PHLPP1: variants seen among roughly 807,000 people sequenced by gnomAD.
The protein encoded by PHLPP1 is PH domain leucine-rich repeat-containing protein phosphatase 1.
Under a neutral mutation model 117.2 loss-of-function variants are expected in PHLPP1, and 42 were observed. That is an observed-to-expected ratio of 0.36 (90% CI 0.28 to 0.46). The LOEUF is 0.46. PHLPP1 is among the 20% of genes least tolerant of loss of function. PHLPP1 has a pLI of 1.00. For missense variants in PHLPP1, 2,084 were observed against 2,241.9 expected (o/e 0.93, Z 1.42); for synonymous variants, 1,042 against 970.7 (o/e 1.07, Z -1.37).
rs1914979134 is a variant in PHLPP1, at chr18:62,838,811, T to A, written c.1801T>A (p.Cys601Ser). The A allele has an allele frequency of 6.2e-7, 1 of 1,613,866 alleles. No homozygotes were observed. The highest frequency in any genetic ancestry group is 1.7e-5 in the Admixed American group (1 of 60,014). ...AGAAGAAGTGAAAAAGCACCAACAC[T>A]GTTTAGCATTTAGCTCCTCTGGACC... is the stretch of plus-strand genomic sequence containing the variant. ...KVEEVKKHQH[C>S]LAFSSSGPQS... Residue 601 changes from cysteine (C) to serine (S), a missense_variant, in exon 3 of 17, where the codon TGT becomes AGT. Transcript: ENST00000262719.
chr18:62,956,785 A>G (rs1356638314), intron 12 of PHLPP1, among the ~76,000 whole-genome samples: 1 of 152,116 alleles, frequency 6.6e-6, no homozygotes, highest in Non-Finnish European at 1.5e-5. Flanking sequence ...AATTTTTTTC[A>G]TTGCTACTAT....
At chr18:62,879,431 TGTCAGA>T (rs1489738380) in intron 4 of PHLPP1, among the ~76,000 whole-genome samples, 1 of 152,030 alleles carries the variant, frequency 6.6e-6, no homozygotes, top group Non-Finnish European at 1.5e-5. Context: ...TGTGTGTGTG[TGTCAGA>T]GTCTTACTCT....
chr18:62,825,753 C>T (rs1301685769), intron 1 of PHLPP1, among the ~76,000 whole-genome samples: 3 of 151,948 alleles, frequency 2.0e-5, no homozygotes, highest in Non-Finnish European at 4.4e-5. Flanking sequence ...TGCACCTGGC[C>T]CAGATACATT....
chr18:62,732,879 A>G (rs944550122), intron 1 of PHLPP1, among the ~76,000 whole-genome samples: 4 of 152,212 alleles, frequency 2.6e-5, no homozygotes, highest in Admixed American at 1.3e-4. Flanking sequence ...AAGAACTACA[A>G]TTAGAAGTGG....
In PHLPP1 at chr18:62,940,727, T is replaced by A. The variant is rs181734217; in HGVS notation, c.2961-991T>A. Reference sequence around the variant, plus strand: ...AGCAATATATTATCTTGTTTGTTTGTTTTAATGTAAAATTTATTTAAGTAC... The same window carrying A: ...AGCAATATATTATCTTGTTTGTTTGATTTAATGTAAAATTTATTTAAGTAC... On this transcript the variant is annotated intron_variant, in intron 10 of 16. Coordinates refer to ENST00000262719, the MANE Select transcript of PHLPP1 (RefSeq NM_194449.4). Among the ~76,000 whole-genome samples the A allele has an allele frequency of 4.6e-5, 7 of 152,296 alleles. No homozygotes were observed. In the East Asian group the frequency reaches 1.3e-3, roughly 29 times the overall value.
chr18:62,897,758 C>T (rs1458312444), intron 6 of PHLPP1, among the ~76,000 whole-genome samples: 2 of 152,122 alleles, frequency 1.3e-5, no homozygotes, highest in African/African-American at 2.4e-5. Context: ...CCACCTGCCT[C>T]GACCTCTCAA....
intron 3 of PHLPP1, among the ~76,000 whole-genome samples, chr18:62,850,915 G>A (rs771672323): frequency 3.3e-5 from 5 of 152,156 alleles, no homozygotes; most frequent in South Asian, 2.1e-4. Context: ...GGACTGTGTC[G>A]GCACTGATGC....
At chr18:62,841,741 A>AC (rs1351452075) in intron 3 of PHLPP1, among the ~76,000 whole-genome samples, 1 of 152,170 alleles carries the variant, frequency 6.6e-6, no homozygotes, top group Non-Finnish European at 1.5e-5. Context: ...ATTCACACAC[A>AC]TTTACATATA....
chr18:62,849,933 G>A (rs923903468), intron 3 of PHLPP1, among the ~76,000 whole-genome samples: 266 of 144,744 alleles, frequency 1.8e-3, no homozygotes, highest in African/African-American at 6.6e-3. Context: ...CGCCTACTCC[G>A]AAGGGTTAAA....
chr18:62,967,905 A>C (rs1910948993), intron 14 of PHLPP1, among the ~76,000 whole-genome samples: 1 of 151,368 alleles, frequency 6.6e-6, no homozygotes, highest in African/African-American at 2.4e-5. Context: ...GTTCACCGCA[A>C]CCTCCGCCTC....
intron 4 of PHLPP1, among the ~76,000 whole-genome samples, chr18:62,862,627 T>A (rs1915660597): frequency 6.6e-6 from 1 of 152,158 alleles, no homozygotes. Context: ...AAAATGGGGT[T>A]CTCTATAAAT....
intron 1 of PHLPP1, among the ~76,000 whole-genome samples, chr18:62,741,034 C>T (rs1599020965): frequency 6.6e-6 from 1 of 152,080 alleles, no homozygotes. Context: ...TTCAGATCAT[C>T]TAGCTATTTT....
chr18:62,969,134 T>A (rs1353590282), intron 14 of PHLPP1, among the ~76,000 whole-genome samples: 1 of 152,122 alleles, frequency 6.6e-6, no homozygotes, highest in Non-Finnish European at 1.5e-5. Context: ...CTTAAACTCC[T>A]GGCCTCAAGC....
intron 12 of PHLPP1, among the ~76,000 whole-genome samples, chr18:62,949,918 A>T (rs1910404163): frequency 6.6e-6 from 1 of 152,218 alleles, no homozygotes; most frequent in South Asian, 2.1e-4. Flanking sequence ...TTGGTAATAT[A>T]GTAATTTTGC....
chr18:62,823,838 G>A (rs1318965551), intron 1 of PHLPP1, among the ~76,000 whole-genome samples: 4 of 151,986 alleles, frequency 2.6e-5, no homozygotes, highest in Admixed American at 2.6e-4. Flanking sequence ...ATGGCTAAAA[G>A]TGTTGACTGG....
At chr18:62,958,296 A>G (rs1362598657) in intron 12 of PHLPP1, among the ~76,000 whole-genome samples, 1 of 152,210 alleles carries the variant, frequency 6.6e-6, no homozygotes, top group Non-Finnish European at 1.5e-5. Flanking sequence ...TTCTCATGGC[A>G]CGGAGATTTT....
chr18:62,954,766 T>C (rs1387733769), intron 12 of PHLPP1, among the ~76,000 whole-genome samples: 1 of 152,248 alleles, frequency 6.6e-6, no homozygotes, highest in Non-Finnish European at 1.5e-5. Context: ...TAAAATGCTA[T>C]CTATTCTATG....
chr18:62,894,540 T>G (rs1916505224), intron 4 of PHLPP1, among the ~76,000 whole-genome samples: 1 of 152,224 alleles, frequency 6.6e-6, no homozygotes, highest in Non-Finnish European at 1.5e-5. Flanking sequence ...CCTGGTTACC[T>G]TAGAGAGAGT....
intron 4 of PHLPP1, among the ~76,000 whole-genome samples, chr18:62,881,396 G>A (rs1398296012): frequency 1.3e-5 from 2 of 152,028 alleles, no homozygotes; most frequent in East Asian, 3.8e-4. Flanking sequence ...AAAATTATGA[G>A]TTTTAGCTTT....
Sources: allele counts gnomAD v4.1 joint callset (sites outside exome capture counted in the v4.1 genomes callset), GRCh38; gene constraint gnomAD v4.1.1; transcripts MANE v1.5; gene names NCBI Gene and HGNC (gene_info 2026-07-23, HGNC 2026-07-21).